Variants in MACROD2 observed in about 807,000 individuals in gnomAD.
The protein encoded by MACROD2 is mono-ADP ribosylhydrolase 2, also known as ADP-ribose glycohydrolase MACROD2.
MACROD2 carries 36 observed loss-of-function variants against 70.4 expected under a neutral mutation model. The observed-to-expected ratio is 0.51, with a 90% confidence interval of 0.39 to 0.68. The LOEUF is 0.68. Ranked by LOEUF, MACROD2 falls within the 30% of genes least tolerant of loss-of-function variation. The probability of loss-of-function intolerance (pLI) is 0.00; values close to 1 mark genes in which losing one functional copy is unlikely to be tolerated. For missense variants in MACROD2, 496 were observed against 538.4 expected (o/e 0.92, Z 0.78); for synonymous variants, 172 against 178.8 (o/e 0.96, Z 0.30).
At chr20:14,813,955 A>G (rs774677702) in intron 5 of MACROD2, among the ~76,000 whole-genome samples, 1 of 152,056 alleles carries the variant, frequency 6.6e-6, no homozygotes, top group Non-Finnish European at 1.5e-5. Context: ...ATCCACTGAC[A>G]AGCTATCTCA....
At chr20:15,236,556 A>G (rs184155687) in intron 6 of MACROD2, among the ~76,000 whole-genome samples, 12 of 152,342 alleles carry the variant, frequency 7.9e-5, no homozygotes, top group East Asian at 1.9e-4. Context: ...TCTCAAAACA[A>G]TCCTGAGTTA....
chr20:15,296,622 A>T (rs1300891691), intron 6 of MACROD2, among the ~76,000 whole-genome samples: 2 of 152,196 alleles, frequency 1.3e-5, no homozygotes, highest in African/African-American at 4.8e-5. Context: ...AGAAGCAGAG[A>T]TGCCAATCTC....
At chr20:15,682,881 T>C (rs1420510271) in intron 8 of MACROD2, among the ~76,000 whole-genome samples, 1 of 152,240 alleles carries the variant, frequency 6.6e-6, no homozygotes, top group Non-Finnish European at 1.5e-5. Flanking sequence ...TGCCATCTTA[T>C]GTTCTGGAAG....
chr20:15,744,903 T>C (rs1237412702), intron 8 of MACROD2, among the ~76,000 whole-genome samples: 1 of 152,104 alleles, frequency 6.6e-6, no homozygotes, highest in Non-Finnish European at 1.5e-5. Flanking sequence ...CTTACATATG[T>C]ATAAATGTGA....
At chr20:14,307,567 G>A (rs185251003) in intron 3 of MACROD2, among the ~76,000 whole-genome samples, 5 of 152,118 alleles carry the variant, frequency 3.3e-5, no homozygotes, top group Non-Finnish European at 5.9e-5. Context: ...AGGTTAATAA[G>A]TTAATGTTTC....
intron 12 of MACROD2, among the ~76,000 whole-genome samples, 199 bp downstream of exon 12, chr20:15,937,743 ATAT>A (rs998079599): frequency 1.3e-5 from 2 of 149,424 alleles, no homozygotes; most frequent in African/African-American, 5.1e-5. Flanking sequence ...ATATATATAT[ATAT>A]ATGTGTGTAT....
intron 6 of MACROD2, among the ~76,000 whole-genome samples, chr20:15,270,478 A>G (rs1260958857): frequency 6.6e-6 from 1 of 152,124 alleles, no homozygotes; most frequent in Non-Finnish European, 1.5e-5. Context: ...ATGTGACTGT[A>G]AAGGGAGTTT....
Position 14,811,448 on chromosome 20 carries a change from A to T in MACROD2, c.418+126489A>T, listed in dbSNP as rs142549087. On this transcript the variant is annotated intron_variant, in intron 5 of 17. Transcript: ENST00000684519. The stretch of plus-strand genomic sequence containing the variant: ...TTACAAAATCAACTCAAGATGGATT[A>T]AAGATTTAAATGTAAACCATAAAAA... Among the ~76,000 whole-genome samples the T allele has an allele frequency of 6.2e-3, 947 of 152,296 alleles. 13 individuals are homozygous for T. The highest frequency in any genetic ancestry group is 0.022 in the African/African-American group (898 of 41,544).
chr20:14,992,545 A>G (rs1283254990), intron 5 of MACROD2, among the ~76,000 whole-genome samples: 1 of 152,178 alleles, frequency 6.6e-6, no homozygotes, highest in East Asian at 1.9e-4. Flanking sequence ...GTTGCCATAT[A>G]TAATTAATCC....
intron 7 of MACROD2, among the ~76,000 whole-genome samples, chr20:15,486,681 A>C (rs2047167476): frequency 6.6e-6 from 1 of 152,130 alleles, no homozygotes; most frequent in African/African-American, 2.4e-5. Flanking sequence ...TTATGCAGAG[A>C]ATATTTTTAC....
intron 3 of MACROD2, among the ~76,000 whole-genome samples, chr20:14,195,623 CAAG>C (rs2081424261): frequency 1.3e-5 from 2 of 151,630 alleles, no homozygotes; most frequent in Admixed American, 6.6e-5. Context: ...GACTGGACAT[CAAG>C]AAGAACACAT....
intron 4 of MACROD2, among the ~76,000 whole-genome samples, chr20:14,619,504 GAAGGAGGA>G (rs1324484683): frequency 8.6e-6 from 1 of 116,178 alleles, no homozygotes; most frequent in African/African-American, 3.3e-5. Flanking sequence ...GGGGAGGAAG[GAAGGAGGA>G]AAGGAGGGAA....
chr20:14,155,200 T>G (rs2055084164), intron 3 of MACROD2, among the ~76,000 whole-genome samples: 1 of 152,222 alleles, frequency 6.6e-6, no homozygotes, highest in Non-Finnish European at 1.5e-5. Flanking sequence ...TGTAGACCTT[T>G]ATTTGAAATA....
At chr20:14,009,354 C>CA (rs2052865908) in intron 2 of MACROD2, among the ~76,000 whole-genome samples, 1 of 152,092 alleles carries the variant, frequency 6.6e-6, no homozygotes, top group African/African-American at 2.4e-5. Context: ...AAACATATGA[C>CA]AAAAAGCTCA....
At chr20:15,998,576 T>C (rs1307099123) in intron 15 of MACROD2, among the ~76,000 whole-genome samples, 1 of 149,276 alleles carries the variant, frequency 6.7e-6, no homozygotes, top group Non-Finnish European at 1.5e-5. Context: ...TTTTTTTTTT[T>C]TTTTTTGAGA....
chr20:15,597,572 G>A (rs568563012), intron 8 of MACROD2, among the ~76,000 whole-genome samples: 35 of 152,294 alleles, frequency 2.3e-4, no homozygotes, highest in Admixed American at 5.9e-4. Context: ...GAGCAGACAC[G>A]TCACCTGTAA....
At chr20:14,634,864 T>C (rs1272572245) in intron 4 of MACROD2, among the ~76,000 whole-genome samples, 1 of 152,220 alleles carries the variant, frequency 6.6e-6, no homozygotes, top group Non-Finnish European at 1.5e-5. Flanking sequence ...GGCATAATTC[T>C]TGCAAGGGAG....
chr20:15,883,354 G>A (rs6034318), intron 9 of MACROD2, among the ~76,000 whole-genome samples: 6,602 of 152,030 alleles, frequency 0.043, 287 homozygotes, highest in East Asian at 0.13. Flanking sequence ...AGTTTACTTT[G>A]TAACATTTTG....
At chr20:15,984,133 A>G (rs1055824125) in intron 13 of MACROD2, among the ~76,000 whole-genome samples, 41 of 149,340 alleles carry the variant, frequency 2.7e-4, no homozygotes, top group Non-Finnish European at 6.0e-4. Flanking sequence ...AACTTTTTAT[A>G]ATTTTTGTTA....
Sources: gnomAD v4.1 joint callset for allele counts (sites outside exome capture counted in the v4.1 genomes callset) on GRCh38, gnomAD v4.1.1 for gene constraint, MANE v1.5 for transcripts, NCBI Gene and HGNC (gene_info 2026-07-23, HGNC 2026-07-21) for gene names.